The following FOCAD variants were observed in gnomAD, a reference collection of about 807,000 sequenced individuals.
FOCAD encodes the protein KIAA1797.
A neutral mutation model predicts 225.6 loss-of-function variants in FOCAD; 198 were observed. The ratio of observed to expected loss-of-function variants is 0.88; its 90% CI spans 0.78 to 0.99. The LOEUF (loss-of-function observed/expected upper bound fraction) is 0.99, where lower values mean the gene tolerates loss of function less well. Among genes scored for constraint, FOCAD ranks in the 50% least tolerant of loss-of-function variants. FOCAD has a pLI of 0.00. For synonymous variants in FOCAD, 897 were observed against 755.0 expected (o/e 1.19, Z -3.08); for missense variants, 2,713 against 2,123.6 (o/e 1.28, Z -5.46).
chr9:20,856,419 C>T (rs952294638), intron 15 of FOCAD, among the ~76,000 whole-genome samples: 1 of 151,882 alleles, frequency 6.6e-6, no homozygotes, highest in African/African-American at 2.4e-5. Flanking sequence ...ATGTTTTGCC[C>T]ATTTTTTGAG....
At chr9:20,878,462 A>G (rs137934052) in intron 19 of FOCAD, among the ~76,000 whole-genome samples, 2 of 152,308 alleles carry the variant, frequency 1.3e-5, no homozygotes, top group East Asian at 3.9e-4. Flanking sequence ...TTGCTGCATC[A>G]ATAATAATTA....
chr9:20,759,150 C>T (rs911865043), intron 6 of FOCAD, among the ~76,000 whole-genome samples: 1 of 152,148 alleles, frequency 6.6e-6, no homozygotes, highest in Non-Finnish European at 1.5e-5. Context: ...ATTCCATGCT[C>T]ATGGGTAGGA....
At chr9:20,763,446 A>C (rs975195193) in intron 6 of FOCAD, among the ~76,000 whole-genome samples, 2 of 152,206 alleles carry the variant, frequency 1.3e-5, no homozygotes, top group African/African-American at 4.8e-5. Flanking sequence ...TAGCCTGGGC[A>C]ATGTAGCAAG....
At chr9:20,826,917 T>C (rs1587321052) in intron 15 of FOCAD, among the ~76,000 whole-genome samples, 1 of 152,180 alleles carries the variant, frequency 6.6e-6, no homozygotes, top group African/African-American at 2.4e-5. Flanking sequence ...TCTTTTCCAT[T>C]GAGCTTTCTC....
At chr9:20,946,670 G>A (rs549984003) in intron 29 of FOCAD, 31 bp from the exon 30 acceptor site, 1 of 1,589,372 alleles carries the variant, frequency 6.3e-7, no homozygotes, top group East Asian at 2.3e-5. Flanking sequence ...TCCTCCTGAA[G>A]ACATATTTTT....
intron 1 of FOCAD, among the ~76,000 whole-genome samples, chr9:20,702,868 C>A (rs1218113668): frequency 6.6e-6 from 1 of 152,012 alleles, no homozygotes; most frequent in African/African-American, 2.4e-5. Flanking sequence ...ATATGGTATT[C>A]CAAATTCTAT....
At chr9:20,780,882 A>T (rs1394140465) in intron 9 of FOCAD, among the ~76,000 whole-genome samples, 1 of 152,168 alleles carries the variant, frequency 6.6e-6, no homozygotes. Context: ...AGGTGTTTGT[A>T]CTTAATATCA....
chr9:20,888,648 C>T (rs1831333637), intron 21 of FOCAD, among the ~76,000 whole-genome samples: 1 of 152,110 alleles, frequency 6.6e-6, no homozygotes, highest in Admixed American at 6.5e-5. Context: ...ATCCAAACCT[C>T]ATCTTGAAAT....
Position 20,673,773 on chromosome 9 carries a change from T to G in FOCAD, c.-78+14947T>G, listed in dbSNP as rs114558037. ...GCGTGCCACACGTGGTGTCTCACCA[T>G]GTTGCCGAGGCTGGTCTTGAACCCC... On this transcript the variant is annotated intron_variant, in intron 2 of 45. Transcript: ENST00000380249. Among the ~76,000 whole-genome samples the G allele has an allele frequency of 3.1e-3, 477 of 152,324 alleles. 3 individuals are homozygous for G. Among genetic ancestry groups the G allele is most frequent in the African/African-American group, 0.011 (458 of 41,580 alleles).
At chr9:20,941,781 G>A (rs1170128260) in intron 28 of FOCAD, among the ~76,000 whole-genome samples, 1 of 152,082 alleles carries the variant, frequency 6.6e-6, no homozygotes, top group African/African-American at 2.4e-5. Context: ...TATTTCCTCT[G>A]TTGGAGACAC....
intron 8 of FOCAD, among the ~76,000 whole-genome samples, chr9:20,777,558 C>A (rs1256362913): frequency 6.6e-6 from 1 of 151,746 alleles, no homozygotes; most frequent in East Asian, 1.9e-4. Context: ...TTTTCCATTT[C>A]TATGGTCATT....
chr9:20,851,588 AG>A (rs1237677104), intron 15 of FOCAD, among the ~76,000 whole-genome samples: 2 of 151,852 alleles, frequency 1.3e-5, no homozygotes, highest in Non-Finnish European at 2.9e-5. Context: ...GGTAACTGAA[AG>A]TATGGTTTTA....
intron 28 of FOCAD, among the ~76,000 whole-genome samples, chr9:20,935,995 AT>A (rs1425550479): frequency 6.6e-6 from 1 of 152,222 alleles, no homozygotes; most frequent in Non-Finnish European, 1.5e-5. Context: ...AAACACACTC[AT>A]TTTATGAGAT....
chr9:20,919,589 G>A (rs189185388), intron 24 of FOCAD, among the ~76,000 whole-genome samples: 1 of 152,254 alleles, frequency 6.6e-6, no homozygotes, highest in East Asian at 1.9e-4. Flanking sequence ...AACCAAAACA[G>A]CATGGAACTG....
chr9:20,757,596 G>C (rs984995502), intron 5 of FOCAD, among the ~76,000 whole-genome samples: 2 of 152,160 alleles, frequency 1.3e-5, no homozygotes, highest in African/African-American at 4.8e-5. Context: ...CTGGGGAAGC[G>C]CAGAACCATA....
intron 4 of FOCAD, among the ~76,000 whole-genome samples, chr9:20,726,728 G>A (rs184921428): frequency 1.3e-5 from 2 of 152,226 alleles, no homozygotes; most frequent in East Asian, 3.9e-4. Flanking sequence ...GATTTAGGAT[G>A]ATTTATGGAG....
intron 8 of FOCAD, among the ~76,000 whole-genome samples, chr9:20,777,086 TG>T (rs1818834293): frequency 6.6e-6 from 1 of 152,140 alleles, no homozygotes; most frequent in Non-Finnish European, 1.5e-5. Context: ...TTTCTTTTGT[TG>T]TTTTTTTTCA....
chr9:20,677,249 A>T (rs1415031861), intron 2 of FOCAD, among the ~76,000 whole-genome samples: 3 of 152,220 alleles, frequency 2.0e-5, no homozygotes, highest in Non-Finnish European at 4.4e-5. Flanking sequence ...CAAACATAAG[A>T]TCTAAAACTG....
intron 15 of FOCAD, among the ~76,000 whole-genome samples, chr9:20,851,143 A>T (rs1345917240): frequency 6.6e-6 from 1 of 151,058 alleles, no homozygotes; most frequent in Non-Finnish European, 1.5e-5. Context: ...ATTCCTTTGC[A>T]TATTTTGTAG....
Sources: gnomAD v4.1 joint callset for allele counts (sites outside exome capture counted in the v4.1 genomes callset) on GRCh38, gnomAD v4.1.1 for gene constraint, MANE v1.5 for transcripts, NCBI Gene and HGNC (gene_info 2026-07-23, HGNC 2026-07-21) for gene names.